NKAIN3: variants seen among roughly 807,000 people sequenced by gnomAD.
The protein encoded by NKAIN3 is sodium/potassium-transporting ATPase subunit beta-1-interacting protein 3.
A neutral mutation model predicts 30.2 loss-of-function variants in NKAIN3; 25 were observed. The observed-to-expected ratio is 0.83, with a 90% CI of 0.60 to 1.16. The LOEUF (loss-of-function observed/expected upper bound fraction) is 1.16. NKAIN3 is among the 50% of genes most tolerant of loss of function. The probability of loss-of-function intolerance (pLI) is 0.00; values close to 1 mark genes in which losing one functional copy is unlikely to be tolerated. For missense variants in NKAIN3, 225 were observed against 254.1 expected (o/e 0.89, Z 0.78); for synonymous variants, 91 against 89.6 (o/e 1.02, Z -0.09).
chr8:62,367,939 T>C (rs1816789480), intron 1 of NKAIN3, among the ~76,000 whole-genome samples: 1 of 151,876 alleles, frequency 6.6e-6, no homozygotes, highest in Non-Finnish European at 1.5e-5. Context: ...TGAGGAACTA[T>C]CATAAAAAGA....
chr8:62,986,488 T>C (rs749651849), downstream of NKAIN3, among the ~76,000 whole-genome samples: 1 of 152,190 alleles, frequency 6.6e-6, no homozygotes, highest in African/African-American at 2.4e-5. Context: ...AGGTCTCTTA[T>C]TCAGCCTCTC....
At chr8:62,842,672 T>C (rs1317631050) in intron 4 of NKAIN3, among the ~76,000 whole-genome samples, 1 of 152,112 alleles carries the variant, frequency 6.6e-6, no homozygotes, top group Non-Finnish European at 1.5e-5. Flanking sequence ...CACATCGACC[T>C]ATGGAACAGG....
intron 3 of NKAIN3, among the ~76,000 whole-genome samples, chr8:62,712,943 AACT>A (rs1296568306): frequency 6.6e-6 from 1 of 152,086 alleles, no homozygotes; most frequent in Non-Finnish European, 1.5e-5. Context: ...TGGCTCTCTA[AACT>A]GACTCGGCTC....
At chr8:62,568,764 G>T (rs1358654243) in intron 1 of NKAIN3, among the ~76,000 whole-genome samples, 2 of 152,064 alleles carry the variant, frequency 1.3e-5, no homozygotes, top group Non-Finnish European at 2.9e-5. Flanking sequence ...CTTTATTATT[G>T]AATTTTAAGG....
chr8:62,858,254 G>A (rs1048023239), intron 4 of NKAIN3, among the ~76,000 whole-genome samples: 1 of 152,122 alleles, frequency 6.6e-6, no homozygotes, highest in Non-Finnish European at 1.5e-5. Context: ...GGGGGGTACG[G>A]ACCTGTTGCC....
chr8:62,885,002 T>C (rs1391592302), intron 4 of NKAIN3, among the ~76,000 whole-genome samples: 3 of 152,150 alleles, frequency 2.0e-5, no homozygotes, highest in Non-Finnish European at 4.4e-5. Context: ...CTCTAATTTT[T>C]ATTGTTTCTT....
intron 3 of NKAIN3, among the ~76,000 whole-genome samples, chr8:62,698,702 G>T (rs1267546013): frequency 6.6e-6 from 1 of 152,098 alleles, no homozygotes; most frequent in African/African-American, 2.4e-5. Context: ...TCATGTCAGT[G>T]CAATTTTGAT....
chr8:62,493,913 G>A (rs1253653784), intron 1 of NKAIN3, among the ~76,000 whole-genome samples: 2 of 152,034 alleles, frequency 1.3e-5, no homozygotes, highest in Non-Finnish European at 2.9e-5. Flanking sequence ...TTTAGATGAA[G>A]GAGCTTTTGG....
chr8:62,444,553 T>C (rs1177149743), intron 1 of NKAIN3, among the ~76,000 whole-genome samples: 3 of 152,232 alleles, frequency 2.0e-5, no homozygotes, highest in African/African-American at 7.2e-5. Flanking sequence ...TAGGATTTCA[T>C]TATTTTGTAT....
chr8:62,859,350 T>C (rs1820165789), intron 4 of NKAIN3, among the ~76,000 whole-genome samples: 1 of 151,982 alleles, frequency 6.6e-6, no homozygotes, highest in Non-Finnish European at 1.5e-5. Context: ...TTATCACTTG[T>C]TAATCTCCTG....
At chr8:62,318,554 CAT>C (rs1276512178) in intron 1 of NKAIN3, among the ~76,000 whole-genome samples, 5 of 149,994 alleles carry the variant, frequency 3.3e-5, no homozygotes, top group African/African-American at 5.1e-5. Context: ...TTGAGATAAT[CAT>C]GTGGTTTTTG....
At position 62,966,239 on chromosome 8, in the gene NKAIN3, C is replaced by A; in HGVS notation, c.*832C>A. ...TAGACCTGCAGTCAGGAACTTTTCT[C>A]TTAGGATATTCAAAAGAAGCCTGAA... On this transcript the variant is annotated 3_prime_UTR_variant, in exon 7 of 7. Coordinates refer to ENST00000623646, the MANE Select transcript of NKAIN3 (RefSeq NM_001304533.3). 15 of 985,180 alleles carry A rather than the reference C, an allele frequency of 1.5e-5. No individual in the cohort carries two copies. The highest frequency in any genetic ancestry group is 1.8e-5 in the Non-Finnish European group (15 of 829,780). The allele number at this position is 985,180 out of a possible 1,614,324, so 61.0% of individuals were successfully genotyped here.
At chr8:62,386,253 A>C (rs916067798) in intron 1 of NKAIN3, among the ~76,000 whole-genome samples, 9 of 152,204 alleles carry the variant, frequency 5.9e-5, no homozygotes, top group African/African-American at 1.9e-4. Context: ...ACTCTCTTCA[A>C]ATCTCAGTTG....
chr8:62,467,732 A>G (rs1806204620), intron 1 of NKAIN3, among the ~76,000 whole-genome samples: 1 of 152,126 alleles, frequency 6.6e-6, no homozygotes, highest in Admixed American at 6.5e-5. Flanking sequence ...AAAAATAAAT[A>G]AAATATTATT....
intron 3 of NKAIN3, among the ~76,000 whole-genome samples, chr8:62,667,036 T>C (rs1443127944): frequency 6.6e-6 from 1 of 150,594 alleles, no homozygotes; most frequent in African/African-American, 2.4e-5. Flanking sequence ...AAGAATAAAG[T>C]ATTGAGTAGA....
chr8:62,474,868 A>G (rs1433777685), intron 1 of NKAIN3, among the ~76,000 whole-genome samples: 2 of 152,176 alleles, frequency 1.3e-5, no homozygotes, highest in Non-Finnish European at 2.9e-5. Context: ...GTAAATATAA[A>G]AGGTTATTTT....
At chr8:62,955,913 A>G (rs966896175) in intron 6 of NKAIN3, among the ~76,000 whole-genome samples, 1 of 152,264 alleles carries the variant, frequency 6.6e-6, no homozygotes, top group Non-Finnish European at 1.5e-5. Context: ...AGCATAAACT[A>G]CAAGCTATTC....
At chr8:62,419,511 A>G (rs1013097254) in intron 1 of NKAIN3, among the ~76,000 whole-genome samples, 1 of 152,218 alleles carries the variant, frequency 6.6e-6, no homozygotes, top group Non-Finnish European at 1.5e-5. Context: ...AAATGGCCAG[A>G]TGGTATTCTC....
intron 1 of NKAIN3, among the ~76,000 whole-genome samples, chr8:62,542,430 C>T (rs1842353): frequency 0.28 from 42,521 of 151,974 alleles, 6,125 homozygotes; most frequent in East Asian, 0.38. Context: ...ATTTGCGTAA[C>T]TATGAAATAT....
Sources: allele counts gnomAD v4.1 joint callset (sites outside exome capture counted in the v4.1 genomes callset), GRCh38; gene constraint gnomAD v4.1.1; transcripts MANE v1.5; gene names NCBI Gene and HGNC (gene_info 2026-07-23, HGNC 2026-07-21).